SLC39A11: variants seen among roughly 807,000 people sequenced by gnomAD.
The protein encoded by SLC39A11 is solute carrier family 39 member 11.
A neutral mutation model predicts 36.1 loss-of-function variants in SLC39A11; 33 were observed. That is an observed-to-expected ratio of 0.91 (90% CI 0.69 to 1.22). The LOEUF (loss-of-function observed/expected upper bound fraction) is 1.22, where lower values mean the gene tolerates loss of function less well. Ranked by LOEUF, SLC39A11 falls within the 50% of genes most tolerant of loss-of-function variation. The pLI is 0.00. For synonymous variants in SLC39A11, 166 were observed against 170.3 expected (o/e 0.97, Z 0.20); for missense variants, 432 against 430.3 (o/e 1.00, Z -0.03).
chr17:73,075,294 C>T (rs955125137), intron 3 of SLC39A11, among the ~76,000 whole-genome samples: 4 of 152,200 alleles, frequency 2.6e-5, no homozygotes, highest in African/African-American at 9.6e-5. Context: ...GTTCCAACGT[C>T]CTCATTTCTC....
At chr17:72,882,635 T>G (rs951466634) in intron 5 of SLC39A11, among the ~76,000 whole-genome samples, 50 of 152,118 alleles carry the variant, frequency 3.3e-4, no homozygotes, top group African/African-American at 9.7e-4. Context: ...TGCTACTTTA[T>G]TCATTAAAGC....
At chr17:72,818,547 T>C (rs998580414) in intron 6 of SLC39A11, among the ~76,000 whole-genome samples, 7 of 152,204 alleles carry the variant, frequency 4.6e-5, no homozygotes, top group Non-Finnish European at 8.8e-5. Flanking sequence ...ATTAAGCCTA[T>C]TGATTTAAAA....
intron 7 of SLC39A11, among the ~76,000 whole-genome samples, chr17:72,662,738 A>G (rs1188274665): frequency 6.6e-6 from 1 of 151,466 alleles, no homozygotes; most frequent in Admixed American, 6.6e-5. Flanking sequence ...GAGAGAAAGA[A>G]AAAAGAAAAA....
intron 4 of SLC39A11, among the ~76,000 whole-genome samples, chr17:72,960,874 A>G (rs2086567394): frequency 6.6e-6 from 1 of 152,224 alleles, no homozygotes; most frequent in African/African-American, 2.4e-5. Flanking sequence ...ATAAAAATAA[A>G]AGTAAGTACA....
chr17:72,660,304 CGAT>C (rs2070352491), intron 7 of SLC39A11, among the ~76,000 whole-genome samples: 2 of 152,184 alleles, frequency 1.3e-5, no homozygotes, highest in Non-Finnish European at 2.9e-5. Context: ...ATAAAAATGA[CGAT>C]AACCACTGCT....
intron 4 of SLC39A11, among the ~76,000 whole-genome samples, chr17:72,989,875 G>A (rs948328417): frequency 9.9e-5 from 15 of 152,156 alleles, no homozygotes; most frequent in African/African-American, 3.6e-4. Context: ...CTGTCACCTA[G>A]GATAAAATGA....
chr17:72,948,177 TC>T (rs1222563740), intron 4 of SLC39A11, among the ~76,000 whole-genome samples: 1 of 149,110 alleles, frequency 6.7e-6, no homozygotes, highest in Non-Finnish European at 1.5e-5. Flanking sequence ...ACACCAAAAC[TC>T]CACTGCAAGC....
chr17:72,855,466 A>C (rs2079588834), intron 5 of SLC39A11, among the ~76,000 whole-genome samples: 1 of 152,224 alleles, frequency 6.6e-6, no homozygotes, highest in South Asian at 2.1e-4. Context: ...GCAAATCGTC[A>C]TCTGTTAAGT....
intron 7 of SLC39A11, among the ~76,000 whole-genome samples, chr17:72,693,414 GCT>G (rs2144466068): frequency 6.6e-6 from 1 of 152,362 alleles, no homozygotes; most frequent in South Asian, 2.1e-4. Flanking sequence ...TCTTTAGAAT[GCT>G]TTAAACAGGC....
intron 6 of SLC39A11, among the ~76,000 whole-genome samples, chr17:72,800,868 T>A (rs1460667801): frequency 6.6e-6 from 1 of 152,094 alleles, no homozygotes; most frequent in Non-Finnish European, 1.5e-5. Flanking sequence ...TTAGACAGAA[T>A]GAAAAAGGTA....
chr17:73,022,129 A>G (rs1003384050), intron 4 of SLC39A11, among the ~76,000 whole-genome samples: 10 of 152,260 alleles, frequency 6.6e-5, no homozygotes, highest in Non-Finnish European at 1.3e-4. Context: ...AGGACTGTGT[A>G]CACAGCTAAC....
At chr17:72,899,970 G>C (rs150717377) in intron 5 of SLC39A11, among the ~76,000 whole-genome samples, 6 of 128,952 alleles carry the variant, frequency 4.7e-5, no homozygotes, top group Non-Finnish European at 9.4e-5. Flanking sequence ...AAAAGAAAGA[G>C]AGAGAGAGAG....
At chr17:72,959,820 T>A (rs1408051816) in intron 4 of SLC39A11, among the ~76,000 whole-genome samples, 1 of 152,164 alleles carries the variant, frequency 6.6e-6, no homozygotes, top group East Asian at 1.9e-4. Context: ...GTGCCTCCAG[T>A]GGTCAAAGTA....
chr17:72,735,529 A>T (rs2074389587), intron 7 of SLC39A11, among the ~76,000 whole-genome samples: 1 of 152,208 alleles, frequency 6.6e-6, no homozygotes, highest in African/African-American at 2.4e-5. Context: ...TCCAAGAGTG[A>T]TAAACCAGTC....
chr17:73,092,178 G>A (rs1198954289), intron 1 of SLC39A11: 1 of 152,238 alleles, frequency 6.6e-6, no homozygotes, highest in Non-Finnish European at 1.5e-5. Context: ...AAGTTAACCA[G>A]ATTCCCAGTC....
chr17:72,992,199 A>G (rs1007486323), intron 4 of SLC39A11, among the ~76,000 whole-genome samples: 2 of 152,064 alleles, frequency 1.3e-5, no homozygotes, highest in African/African-American at 4.8e-5. Flanking sequence ...TAAAAATACT[A>G]AAATTACTCG....
At chr17:72,697,283 A>G (rs972736650) in intron 7 of SLC39A11, among the ~76,000 whole-genome samples, 5 of 152,138 alleles carry the variant, frequency 3.3e-5, no homozygotes, top group African/African-American at 4.8e-5. Context: ...GGGTTTCGCC[A>G]TGTTGCCCAG....
chr17:72,672,237 C>T (rs1009120399), intron 7 of SLC39A11, among the ~76,000 whole-genome samples: 6 of 152,106 alleles, frequency 3.9e-5, no homozygotes, highest in Admixed American at 3.9e-4. Flanking sequence ...TCACTTCAGG[C>T]CAGGAGTTCG....
intron 5 of SLC39A11, among the ~76,000 whole-genome samples, chr17:72,869,992 C>T (rs1003920762): frequency 2.6e-5 from 4 of 151,944 alleles, no homozygotes; most frequent in East Asian, 1.9e-4. Context: ...GGAATTAGAT[C>T]GTATCCAGTT....
Sources: gnomAD v4.1 joint callset for allele counts (sites outside exome capture counted in the v4.1 genomes callset) on GRCh38, gnomAD v4.1.1 for gene constraint, MANE v1.5 for transcripts, NCBI Gene and HGNC (gene_info 2026-07-23, HGNC 2026-07-21) for gene names.